The following MMP27 variants were observed in gnomAD, a reference collection of about 807,000 sequenced individuals.
MMP27 encodes the protein matrix metallopeptidase 27, also known as matrix metalloproteinase-27.
MMP27 carries 51 observed loss-of-function variants against 48.1 expected under a neutral mutation model. The ratio of observed to expected loss-of-function variants is 1.06; its 90% CI spans 0.85 to 1.34. The LOEUF (loss-of-function observed/expected upper bound fraction) is 1.34, where lower values mean the gene tolerates loss of function less well. MMP27 is among the 40% of genes most tolerant of loss of function. The pLI is 0.00. For missense variants in MMP27, 698 were observed against 619.3 expected, an observed-to-expected ratio of 1.13 and a Z score of -1.35; for synonymous variants, 229 against 208.9, an observed-to-expected ratio of 1.10 and a Z score of -0.83.
At chr11:102,702,681 A>G (rs1860963708) in intron 4 of MMP27, 72 bp downstream of exon 4, 3 of 1,484,802 alleles carry the variant, frequency 2.0e-6, no homozygotes, top group Non-Finnish European at 2.7e-6. Flanking sequence ...AAAAGCAGCT[A>G]GTTACAAAGC....
At chr11:102,694,204 C>G in intron 7 of MMP27, 139 bp from the exon 8 acceptor site, 2 of 522,438 alleles carry the variant, frequency 3.8e-6, no homozygotes, top group East Asian at 6.6e-5. Flanking sequence ...TTCATTCCTA[C>G]CACTTTCTTT....
At chr11:102,705,436 C>G (rs1026391277) in intron 1 of MMP27, among the ~76,000 whole-genome samples, 177 bp downstream of exon 1, 2 of 152,094 alleles carry the variant, frequency 1.3e-5, no homozygotes, top group African/African-American at 4.8e-5. Context: ...CTGTGCCAGC[C>G]CTCCTCCCCA....
intron 2 of MMP27, 44 bp downstream of exon 2, chr11:102,704,493 A>C (rs757006420): frequency 2.9e-6 from 4 of 1,396,278 alleles, no homozygotes. Context: ...AATTATCTTT[A>C]TGTTCCTTTG....
intron 5 of MMP27, 45 bp from the exon 6 acceptor site, chr11:102,696,536 A>G (rs1220061704): frequency 6.2e-7 from 1 of 1,607,106 alleles, no homozygotes; most frequent in Non-Finnish European, 8.5e-7. Context: ...GAGGGCATGA[A>G]GAAATATGCC....
At chr11:102,702,247 G>C in intron 4 of MMP27, among the ~76,000 whole-genome samples, 1 of 152,202 alleles carries the variant, frequency 6.6e-6, no homozygotes, top group East Asian at 1.9e-4. Context: ...TTCATGCTTT[G>C]AATTAGAGCC....
intron 4 of MMP27, among the ~76,000 whole-genome samples, chr11:102,698,045 GT>G (rs1353511362): frequency 6.6e-6 from 1 of 152,110 alleles, no homozygotes; most frequent in Non-Finnish European, 1.5e-5. Context: ...GCCTGAGGCT[GT>G]TTTACAGTTA....
rs112730551 is a variant in MMP27, at chr11:102,695,543, A to G, written c.903-446T>C. ...GCAAAATTCTGAGTCTATGAATGAGACGTGAAAAGTCCTTATATTCCATTT... is the reference window on the plus strand; with the variant it reads ...GCAAAATTCTGAGTCTATGAATGAGGCGTGAAAAGTCCTTATATTCCATTT... On this transcript the variant is annotated intron_variant, in intron 6 of 9. Transcript: ENST00000260229. Among the ~76,000 whole-genome samples, 97 of 152,282 alleles carry G rather than the reference A, an allele frequency of 6.4e-4. 1 individual carries two copies. The highest frequency in any genetic ancestry group is 2.1e-3 in the African/African-American group (89 of 41,562).
intron 1 of MMP27, 149 bp downstream of exon 1, chr11:102,705,464 C>T (rs907482474): frequency 2.4e-5 from 13 of 540,094 alleles, no homozygotes; most frequent in South Asian, 2.9e-5. Context: ...TTCCTGATAT[C>T]GTCAGAGATA....
chr11:102,698,620 C>T (rs1448473353), intron 4 of MMP27, among the ~76,000 whole-genome samples: 1 of 152,110 alleles, frequency 6.6e-6, no homozygotes, highest in African/African-American at 2.4e-5. Flanking sequence ...TGGTCTAGTC[C>T]CTGCCTATTT....
intron 7 of MMP27, among the ~76,000 whole-genome samples, 180 bp downstream of exon 7, chr11:102,694,787 T>C (rs545146825): frequency 1.3e-5 from 2 of 152,320 alleles, no homozygotes; most frequent in South Asian, 4.1e-4. Flanking sequence ...TAGGATTGTG[T>C]TTATCTTCAC....
intron 7 of MMP27, 87 bp downstream of exon 7, chr11:102,694,880 A>G (rs1251563643): frequency 3.4e-5 from 52 of 1,510,216 alleles, no homozygotes; most frequent in Non-Finnish European, 4.5e-5. Context: ...TGGCTCATGC[A>G]TGAAGATTTT....
intron 6 of MMP27, among the ~76,000 whole-genome samples, chr11:102,695,919 C>A (rs1191605174): frequency 6.6e-6 from 1 of 152,226 alleles, no homozygotes; most frequent in East Asian, 1.9e-4. Flanking sequence ...ACAACTGGCT[C>A]TCCAGGTGGG....
At chr11:102,701,977 A>G (rs1022087439) in intron 4 of MMP27, among the ~76,000 whole-genome samples, 1 of 152,234 alleles carries the variant, frequency 6.6e-6, no homozygotes, top group Non-Finnish European at 1.5e-5. Flanking sequence ...ACCAGACCCA[A>G]GGTAACTATT....
chr11:102,695,076 A>G lies in MMP27; in HGVS notation c.924T>C (p.Tyr308=). The G allele has an allele frequency of 1.9e-6, 3 of 1,613,976 alleles. No individual in the cohort carries two copies. The highest frequency in any genetic ancestry group is 1.1e-5 in the South Asian group (1 of 91,076). Residue 308 remains tyrosine (Y), a synonymous_variant, in exon 7 of 10, where the codon TAT becomes TAC. Transcript: ENST00000260229. ...FKGRHLWRIY[Y]DITDVEFELI... Reference sequence around the variant, plus strand: ...ATTCAAACTCAACATCCGTGATATCATAATAGATCCTCCATAGGTGCCTGT... The same window carrying G: ...ATTCAAACTCAACATCCGTGATATCGTAATAGATCCTCCATAGGTGCCTGT...
At chr11:102,705,518 CTT>C (rs771727146) in intron 1 of MMP27, 93 bp downstream of exon 1, 1 of 775,400 alleles carries the variant, frequency 1.3e-6, no homozygotes, top group Non-Finnish European at 2.0e-6. Context: ...GTTCAGGACT[CTT>C]TTGCAGGAAT....
chr11:102,697,707 T>C (rs1689736733), intron 4 of MMP27, among the ~76,000 whole-genome samples: 1 of 152,164 alleles, frequency 6.6e-6, no homozygotes, highest in Non-Finnish European at 1.5e-5. Context: ...GGTCTCACTA[T>C]GTTGCCCAGG....
chr11:102,704,727 C>T lies in MMP27; in HGVS notation c.151G>A (p.Val51Ile), dbSNP rs772426365. The change falls in exon 2 of 10, where the codon GTT becomes ATT. Residue 51 changes from valine to isoleucine, a missense_variant. Transcript: ENST00000260229. ...YSLEIEGNHL[V>I]QSKNRSLIDD... ...ATGAGACTCCTATTCTTGCTTTGAACAAGATGATTCCCTTCTATTTCAAGA... is the reference window on the plus strand; with the variant it reads ...ATGAGACTCCTATTCTTGCTTTGAATAAGATGATTCCCTTCTATTTCAAGA... 1.1e-5 allele frequency: 17 copies of T among 1,612,888 alleles called. No individual in the cohort carries two copies. The highest frequency in any genetic ancestry group is 2.7e-5 in the African/African-American group (2 of 74,610).
chr11:102,694,205 C>T (rs985682397), intron 7 of MMP27, 140 bp from the exon 8 acceptor site: 1 of 519,082 alleles, frequency 1.9e-6, no homozygotes, highest in Non-Finnish European at 3.2e-6. Flanking sequence ...TCATTCCTAC[C>T]ACTTTCTTTA....
chr11:102,697,593 C>T (rs891496935), intron 4 of MMP27, among the ~76,000 whole-genome samples: 2 of 152,012 alleles, frequency 1.3e-5, no homozygotes, highest in African/African-American at 4.8e-5. Flanking sequence ...CTTCAAACTC[C>T]TAGGCTTGGA....
Sources: gnomAD v4.1 joint callset for allele counts (sites outside exome capture counted in the v4.1 genomes callset) on GRCh38, gnomAD v4.1.1 for gene constraint, MANE v1.5 for transcripts, NCBI Gene and HGNC (gene_info 2026-07-23, HGNC 2026-07-21) for gene names.